Variants in HMCN1 observed in about 807,000 individuals in gnomAD.
HMCN1 encodes hemicentin 1, also known as hemicentin-1.
HMCN1 carries 321 observed loss-of-function variants against 625.9 expected under a neutral mutation model. The ratio of observed to expected loss-of-function variants is 0.51; its 90% CI spans 0.47 to 0.56. HMCN1 has a LOEUF of 0.56. Ranked by LOEUF, HMCN1 falls within the 20% of genes least tolerant of loss-of-function variation. The pLI, the probability that HMCN1 is intolerant of heterozygous loss-of-function variation, is 0.00. For synonymous variants in HMCN1, 2,425 were observed against 2,417.6 expected (o/e 1.00, Z -0.09); for missense variants, 6,588 against 6,887.3 (o/e 0.96, Z 1.54).
rs1340788112 is a variant in HMCN1, at chr1:186,159,499, G to A, written c.15256+5512G>A. 9.2e-5 allele frequency among the ~76,000 whole-genome samples: 14 copies of A among 152,270 alleles called. No individual in the cohort carries two copies. The Middle Eastern group carries it at 0.01, about 111-fold the overall frequency. On this transcript the variant is annotated intron_variant, in intron 97 of 106. Transcript: ENST00000271588. ...GAGAGGGCATCCCTGTCTTGTGCCA[G>A]TTTTCAAAGGGAATGCTTCCAGTTT...
At chr1:185,809,265 T>G (rs1659363337) in intron 1 of HMCN1, among the ~76,000 whole-genome samples, 3 of 152,126 alleles carry the variant, frequency 2.0e-5, no homozygotes, top group Admixed American at 2.0e-4. Context: ...GAATTTTAAC[T>G]TTGAAATAAC....
chr1:185,906,720 A>G (rs1951516), intron 4 of HMCN1, among the ~76,000 whole-genome samples: 6,175 of 151,810 alleles, frequency 0.041, 430 homozygotes, highest in African/African-American at 0.14. Flanking sequence ...AACTTGAAAC[A>G]TCTCACAATT....
intron 48 of HMCN1, 68 bp from the exon 49 acceptor site, chr1:186,065,170 C>T: frequency 7.7e-7 from 1 of 1,294,340 alleles, no homozygotes; most frequent in Non-Finnish European, 1.1e-6. Flanking sequence ...GTGAAAACCT[C>T]CTCTTTCAAA....
chr1:185,921,608 A>G (rs1455028958), intron 6 of HMCN1, among the ~76,000 whole-genome samples: 1 of 152,172 alleles, frequency 6.6e-6, no homozygotes, highest in Non-Finnish European at 1.5e-5. Context: ...GAAATTGATA[A>G]TTGGTACATT....
rs1651865107 is a variant in HMCN1 at position 185,984,281 on chromosome 1, C to T, written c.2903C>T (p.Thr968Ile). 1 of 1,613,954 alleles carries T rather than the reference C, an allele frequency of 6.2e-7. No individual in the cohort carries two copies. The highest frequency in any genetic ancestry group is 8.5e-7 in the Non-Finnish European group (1 of 1,179,940). Residue 968 changes from threonine to isoleucine, a missense_variant, in exon 19 of 107, where the codon ACC (threonine) becomes ATC (isoleucine). By Grantham distance (89) the Thr-to-Ile change is moderately conservative. Coordinates refer to ENST00000271588, the MANE Select transcript of HMCN1 (RefSeq NM_031935.3). ...TGTGTGGCCAGTAACGTTGCTGGGA[C>T]CAATAACAAAACTACCTCTGTGGTT... ...YTCVASNVAG[T>I]NNKTTSVVVH... is the part of the protein sequence containing the mutation.
chr1:186,045,693 C>G lies in HMCN1; in HGVS notation c.6310C>G (p.Pro2104Ala). 1 of 1,613,010 alleles carries G rather than the reference C, an allele frequency of 6.2e-7. No individual in the cohort carries two copies. The highest frequency in any genetic ancestry group is 8.5e-7 in the Non-Finnish European group (1 of 1,179,252). ...AAAACCCATCTTTCATGTAGTTCCG[C>G]CAAATATTATGGGAGAAGAACAGAA... ...RDIDLRVYVP[P>A]NIMGEEQNVS... is the part of the protein sequence containing the mutation. Residue 2104 changes from proline to alanine, a missense_variant, in exon 41 of 107, where the codon CCA becomes GCA. Pro to Ala is a conservative substitution (Grantham distance 27). Coordinates refer to ENST00000271588, the MANE Select transcript of HMCN1 (RefSeq NM_031935.3).
intron 63 of HMCN1, among the ~76,000 whole-genome samples, chr1:186,089,354 C>T (rs1659706033): frequency 6.6e-6 from 1 of 151,980 alleles, no homozygotes; most frequent in Admixed American, 6.6e-5. Context: ...TAACTTGAAA[C>T]TAAGTTGAAA....
At chr1:186,164,271 G>C (rs1223566969) in intron 97 of HMCN1, among the ~76,000 whole-genome samples, 2 of 135,106 alleles carry the variant, frequency 1.5e-5, no homozygotes, top group Admixed American at 7.6e-5. Flanking sequence ...ACAGAGTCTC[G>C]CTCTGTCCCC....
intron 2 of HMCN1, among the ~76,000 whole-genome samples, chr1:185,851,210 C>T (rs989331785): frequency 6.6e-6 from 1 of 152,052 alleles, no homozygotes; most frequent in Non-Finnish European, 1.5e-5. Context: ...CCCACAAAAT[C>T]ACTGATATCA....
At chr1:186,036,375 C>T (rs563653748) in intron 36 of HMCN1, among the ~76,000 whole-genome samples, 1 of 152,232 alleles carries the variant, frequency 6.6e-6, no homozygotes, top group African/African-American at 2.4e-5. Context: ...AAAGGCACAT[C>T]TCACATGGTG....
chr1:185,771,205 C>G (rs1656218403), intron 1 of HMCN1, among the ~76,000 whole-genome samples: 1 of 152,178 alleles, frequency 6.6e-6, no homozygotes, highest in African/African-American at 2.4e-5. Flanking sequence ...GAATACTGTA[C>G]TGTATCCTTG....
intron 1 of HMCN1, among the ~76,000 whole-genome samples, chr1:185,799,902 G>A (rs1658673126): frequency 6.6e-6 from 1 of 152,198 alleles, no homozygotes; most frequent in Non-Finnish European, 1.5e-5. Flanking sequence ...CCTGTCCCAT[G>A]TTCTGCCACT....
chr1:185,909,497 G>T lies in HMCN1; in HGVS notation c.782G>T (p.Arg261Leu), dbSNP rs753817944. The change falls in exon 5 of 107, where the codon CGC becomes CTC. Residue 261 changes from arginine (R) to leucine (L), a missense_variant. Around this residue, in one of 3 missense-constraint regions of HMCN1, gnomAD observed 4,628 missense variants for 4,853.1 expected, o/e 0.95. Transcript: ENST00000271588. ...GGGCCTTCTCCAATGATTGAAATTCGCAATCCTTTAGGTGAGATATATCAA... is the reference window on the plus strand; with the variant it reads ...GGGCCTTCTCCAATGATTGAAATTCTCAATCCTTTAGGTGAGATATATCAA... Reference protein sequence around the residue: ...LSGPSPMIEIRNPLGKLIKKG... With the variant: ...LSGPSPMIEILNPLGKLIKKG... 6 of 1,612,642 alleles carry T rather than the reference G, an allele frequency of 3.7e-6. No individual in the cohort carries two copies. Among genetic ancestry groups the T allele is most frequent in the Admixed American group, 1.7e-5 (1 of 59,916 alleles).
intron 21 of HMCN1, 123 bp downstream of exon 21, chr1:185,989,770 C>CTTTTT: frequency 1.9e-6 from 1 of 527,952 alleles, no homozygotes; most frequent in Non-Finnish European, 3.0e-6. Context: ...CCCCAGATTT[C>CTTTTT]TATTTTTTTT....
At chr1:186,109,116 G>A (rs1660759036) in intron 71 of HMCN1, among the ~76,000 whole-genome samples, 1 of 152,174 alleles carries the variant, frequency 6.6e-6, no homozygotes, top group Admixed American at 6.5e-5. Flanking sequence ...CTGTCATACA[G>A]CGTCAAAGGC....
chr1:186,148,522 T>A (rs570121101), intron 93 of HMCN1, among the ~76,000 whole-genome samples: 1 of 152,306 alleles, frequency 6.6e-6, no homozygotes, highest in Admixed American at 6.5e-5. Flanking sequence ...CTGTTTTTTT[T>A]GTTTGAGACA....
At chr1:185,894,617 A>G (rs974388291) in intron 4 of HMCN1, among the ~76,000 whole-genome samples, 2 of 152,222 alleles carry the variant, frequency 1.3e-5, no homozygotes, top group African/African-American at 2.4e-5. Flanking sequence ...ACCCATGTAT[A>G]AGAATCCTGG....
intron 52 of HMCN1, among the ~76,000 whole-genome samples, chr1:186,071,372 G>T: frequency 6.6e-6 from 1 of 152,152 alleles, no homozygotes; most frequent in Non-Finnish European, 1.5e-5. Flanking sequence ...ATAAAAGACA[G>T]ATCCTTCAAT....
At chr1:186,002,894 A>G (rs577112981) in intron 28 of HMCN1, among the ~76,000 whole-genome samples, 1 of 152,026 alleles carries the variant, frequency 6.6e-6, no homozygotes, top group Non-Finnish European at 1.5e-5. Flanking sequence ...TTTCAAATCT[A>G]CATATTTCCT....
Sources: gnomAD v4.1 joint callset for allele counts (sites outside exome capture counted in the v4.1 genomes callset) on GRCh38, gnomAD v4.1.1 for gene constraint, gnomAD v4.1.1 regional missense constraint, MANE v1.5 for transcripts, NCBI Gene and HGNC (gene_info 2026-07-23, HGNC 2026-07-21) for gene names.